NT5E: variants seen among roughly 807,000 people sequenced by gnomAD.
NT5E encodes the protein 5'-nucleotidase ecto.
A neutral mutation model predicts 55.1 loss-of-function variants in NT5E; 53 were observed. The observed-to-expected ratio is 0.96, with a 90% CI of 0.77 to 1.21. NT5E has a LOEUF of 1.21. Ranked by LOEUF, NT5E falls within the 50% of genes most tolerant of loss-of-function variation. The probability of loss-of-function intolerance (pLI) is 0.00; values close to 1 mark genes in which losing one functional copy is unlikely to be tolerated. For synonymous variants in NT5E, 270 were observed against 278.4 expected (o/e 0.97, Z 0.30); for missense variants, 683 against 724.3 (o/e 0.94, Z 0.65).
intron 1 of NT5E, among the ~76,000 whole-genome samples, chr6:85,463,983 C>G (rs1209231403): frequency 2.0e-5 from 3 of 150,850 alleles, no homozygotes; most frequent in Admixed American, 1.3e-4. Context: ...TTTATTCATT[C>G]AACAGTGAAT....
chr6:85,471,677 A>C (rs1310286890), intron 3 of NT5E: 1 of 178,720 alleles, frequency 5.6e-6, no homozygotes, highest in Non-Finnish European at 1.2e-5. Context: ...TATAAGACAT[A>C]AAATATGTAT....
intron 2 of NT5E, among the ~76,000 whole-genome samples, chr6:85,470,486 T>C (rs1421346835): frequency 6.6e-6 from 1 of 152,234 alleles, no homozygotes; most frequent in Non-Finnish European, 1.5e-5. Context: ...GTCTTGCTCT[T>C]GTTGCCCAGG....
chr6:85,488,662 C>T (rs187623717), intron 5 of NT5E, among the ~76,000 whole-genome samples: 3 of 152,104 alleles, frequency 2.0e-5, no homozygotes, highest in Non-Finnish European at 4.4e-5. Context: ...CTCACTGCAA[C>T]CTCCGTCCCT....
chr6:85,487,264 T>C, intron 4 of NT5E, 71 bp from the exon 5 acceptor site: 2 of 1,307,382 alleles, frequency 1.5e-6, no homozygotes, highest in South Asian at 2.4e-5. Flanking sequence ...ATAGATGATG[T>C]TTCATTCCTT....
At chr6:85,490,082 GTAGCCCTCCC>G (rs1769749895) in intron 6 of NT5E, among the ~76,000 whole-genome samples, 1 of 152,162 alleles carries the variant, frequency 6.6e-6, no homozygotes, top group South Asian at 2.1e-4. Flanking sequence ...AGACACTCTT[GTAGCCCTCCC>G]TGATTTACTG....
At chr6:85,451,644 A>C (rs1768860640) in intron 1 of NT5E, among the ~76,000 whole-genome samples, 1 of 152,206 alleles carries the variant, frequency 6.6e-6, no homozygotes, top group African/African-American at 2.4e-5. Context: ...TCTCCAGAGA[A>C]ACGTCCAGAG....
chr6:85,482,519 C>T (rs1229580689), intron 3 of NT5E, among the ~76,000 whole-genome samples: 1 of 152,176 alleles, frequency 6.6e-6, no homozygotes, highest in African/African-American at 2.4e-5. Flanking sequence ...CTTAGGTTCA[C>T]CACAGTCCTT....
At chr6:85,460,921 G>T (rs2127755040) in intron 1 of NT5E, among the ~76,000 whole-genome samples, 1 of 152,350 alleles carries the variant, frequency 6.6e-6, no homozygotes, top group Admixed American at 6.5e-5. Flanking sequence ...ACAGAGGTCA[G>T]TGGATATCCT....
intron 5 of NT5E, among the ~76,000 whole-genome samples, chr6:85,488,740 C>T (rs1769720116): frequency 6.6e-6 from 1 of 151,892 alleles, no homozygotes; most frequent in African/African-American, 2.4e-5. Context: ...ACTACCACAC[C>T]CAGCTAATTT....
chr6:85,462,366 G>T (rs1001310507), intron 1 of NT5E, among the ~76,000 whole-genome samples: 2 of 152,098 alleles, frequency 1.3e-5, no homozygotes, highest in Non-Finnish European at 2.9e-5. Flanking sequence ...TGATCTCCCA[G>T]CGATGCTCTT....
intron 1 of NT5E, among the ~76,000 whole-genome samples, chr6:85,458,541 A>G (rs1425924398): frequency 1.3e-5 from 2 of 152,186 alleles, no homozygotes; most frequent in Non-Finnish European, 2.9e-5. Context: ...TCAACATCAT[A>G]TTGGCGGCTT....
chr6:85,485,492 CTCCTTCCCATTTTTT>C (rs1227814367), intron 4 of NT5E, 60 bp downstream of exon 4: 1 of 1,520,172 alleles, frequency 6.6e-7, no homozygotes, highest in African/African-American at 1.4e-5. Flanking sequence ...GGATATTTTG[CTCCTTCCCATTTTTT>C]TCCTTTAATG....
chr6:85,458,986 A>G (rs952688616), intron 1 of NT5E, among the ~76,000 whole-genome samples: 3 of 152,206 alleles, frequency 2.0e-5, no homozygotes, highest in Non-Finnish European at 4.4e-5. Context: ...GACTGCAGGG[A>G]TGGAAGCCAA....
rs756255437 is a variant in NT5E, at chr6:85,450,336, C to G, written c.197C>G (p.Thr66Ser). ...RCMGGVARLF[T>S]KVQQIRRAEP... ...ATGGGTGGCGTGGCTCGGCTCTTCA[C>G]CAAGGTTCAGCAGATCCGCCGCGCC... Residue 66 changes from threonine (T) to serine (S), a missense_variant, in exon 1 of 9, where the codon ACC becomes AGC. Transcript: ENST00000257770. The surrounding 1 kb of genome is among the most constrained non-coding windows in gnomAD (Gnocchi z 4.0). The G allele has an allele frequency of 6.3e-7, 1 of 1,597,718 alleles. No individual in the cohort carries two copies. Among genetic ancestry groups the G allele is most frequent in the African/African-American group, 1.3e-5 (1 of 74,778 alleles).
At chr6:85,462,536 T>C (rs1398953216) in intron 1 of NT5E, among the ~76,000 whole-genome samples, 1 of 152,186 alleles carries the variant, frequency 6.6e-6, no homozygotes, top group Non-Finnish European at 1.5e-5. Context: ...CTCTGGTGTA[T>C]CAGCTGTACC....
At chr6:85,488,735 C>T (rs1214472512) in intron 5 of NT5E, among the ~76,000 whole-genome samples, 1 of 151,984 alleles carries the variant, frequency 6.6e-6, no homozygotes, top group African/African-American at 2.4e-5. Flanking sequence ...TGTCCACTAC[C>T]ACACCCAGCT....
chr6:85,471,366 A>G lies in NT5E; in HGVS notation c.692A>G (p.Gln231Arg). The change falls in exon 3 of 9, where the codon CAG (glutamine) becomes CGG (arginine). Residue 231 changes from glutamine to arginine, a missense_variant. Physicochemically the swap from Gln to Arg is conservative, Grantham distance 43. Transcript: ENST00000257770. ...TTTGAAATGGATAAACTCATCGCTCAGAAAGTGAGGGGTGTGGACGTCGTG... is the reference window on the plus strand; with the variant it reads ...TTTGAAATGGATAAACTCATCGCTCGGAAAGTGAGGGGTGTGGACGTCGTG... ...SGFEMDKLIA[Q>R]KVRGVDVVVG... 2 of 1,613,174 alleles carry G rather than the reference A, an allele frequency of 1.2e-6. No individual in the cohort carries two copies. The highest frequency in any genetic ancestry group is 1.7e-6 in the Non-Finnish European group (2 of 1,179,334).
chr6:85,455,512 A>G (rs938428537), intron 1 of NT5E, among the ~76,000 whole-genome samples: 2 of 152,224 alleles, frequency 1.3e-5, no homozygotes, highest in Admixed American at 1.3e-4. Flanking sequence ...AAAGCTCCGC[A>G]TTGCCCCCAT....
At chr6:85,486,808 A>G (rs771803929) in intron 4 of NT5E, among the ~76,000 whole-genome samples, 14 of 152,190 alleles carry the variant, frequency 9.2e-5, no homozygotes, top group Non-Finnish European at 2.1e-4. Flanking sequence ...ACATTTTTAT[A>G]TCATTGATTT....
Sources: allele counts gnomAD v4.1 joint callset (sites outside exome capture counted in the v4.1 genomes callset), GRCh38; gene constraint gnomAD v4.1.1; non-coding constraint Gnocchi (gnomAD v3.1); transcripts MANE v1.5; gene names NCBI Gene and HGNC (gene_info 2026-07-23, HGNC 2026-07-21).